RAPGEF4: variants seen among roughly 807,000 people sequenced by gnomAD.
RAPGEF4 encodes the protein RAP guanine-nucleotide-exchange factor (GEF) 4.
A neutral mutation model predicts 147.9 loss-of-function variants in RAPGEF4; 66 were observed. The observed-to-expected ratio is 0.45, with a 90% CI of 0.37 to 0.55. RAPGEF4 has a LOEUF of 0.55. Ranked by LOEUF, RAPGEF4 falls within the 20% of genes least tolerant of loss-of-function variation. The probability of loss-of-function intolerance (pLI) is 0.00; values close to 1 mark genes in which losing one functional copy is unlikely to be tolerated. For synonymous variants in RAPGEF4, 419 were observed against 442.7 expected (o/e 0.95, Z 0.67); for missense variants, 1,071 against 1,257.3 (o/e 0.85, Z 2.24).
chr2:172,757,675 C>G (rs1011328325), intron 1 of RAPGEF4, among the ~76,000 whole-genome samples: 1 of 152,186 alleles, frequency 6.6e-6, no homozygotes, highest in Non-Finnish European at 1.5e-5. Context: ...GTATGAATGT[C>G]AGAGTTTTTG....
At chr2:172,988,048 C>A in intron 12 of RAPGEF4, 148 bp from the exon 13 acceptor site, 1 of 1,247,048 alleles carries the variant, frequency 8.0e-7, no homozygotes, top group East Asian at 2.9e-5. Flanking sequence ...TAATGTGCCA[C>A]CTGAACAAGT....
chr2:172,860,567 G>GTTTTTTT lies in RAPGEF4; in HGVS notation c.444+46152_444+46158dup, dbSNP rs11400519. The stretch of plus-strand genomic sequence containing the variant: ...CTGTGCGTGAGTTTTGTTTATTTGG[G>GTTTTTTT]TTTTTTTTTTTTTTTTGGTTTTGTT... On this transcript the variant is annotated intron_variant, in intron 4 of 30. Coordinates refer to ENST00000397081, the MANE Select transcript of RAPGEF4 (RefSeq NM_007023.4). 6.9e-5 allele frequency among the ~76,000 whole-genome samples: 9 copies of GTTTTTTT among 129,568 alleles called. 1 individual carries two copies. Among genetic ancestry groups the GTTTTTTT allele is most frequent in the South Asian group, 2.5e-4 (1 of 3,988 alleles). 85.0% of individuals were successfully genotyped at this position (129,568 alleles called of 152,430 possible).
chr2:173,044,480 T>C (rs895583), intron 29 of RAPGEF4, among the ~76,000 whole-genome samples: 17,594 of 152,182 alleles, frequency 0.12, 1,338 homozygotes, highest in East Asian at 0.39. Flanking sequence ...TAAAGAAAAA[T>C]AGACGCGTGA....
At chr2:173,034,080 G>C in intron 27 of RAPGEF4, 116 bp downstream of exon 27, 1 of 947,708 alleles carries the variant, frequency 1.1e-6, no homozygotes, top group Non-Finnish European at 1.6e-6. Flanking sequence ...ACTTTAAGAA[G>C]TTTATGATCC....
intron 25 of RAPGEF4, among the ~76,000 whole-genome samples, chr2:173,029,214 T>C (rs765740101): frequency 3.3e-5 from 5 of 152,238 alleles, no homozygotes; most frequent in African/African-American, 4.8e-5. Flanking sequence ...AATTTAAGAA[T>C]TACTCTTTGC....
intron 4 of RAPGEF4, among the ~76,000 whole-genome samples, chr2:172,833,738 G>C (rs1690626962): frequency 1.3e-5 from 2 of 152,120 alleles, no homozygotes; most frequent in African/African-American, 4.8e-5. Context: ...TACATTTTGT[G>C]ACTAGGCGCT....
At chr2:172,751,028 A>T (rs1452985206) in intron 1 of RAPGEF4, among the ~76,000 whole-genome samples, 1 of 152,158 alleles carries the variant, frequency 6.6e-6, no homozygotes, top group Non-Finnish European at 1.5e-5. Flanking sequence ...TGAATTTTAC[A>T]TGTTTTCTTT....
At chr2:172,826,029 A>G (rs1344210367) in intron 4 of RAPGEF4, among the ~76,000 whole-genome samples, 2 of 152,166 alleles carry the variant, frequency 1.3e-5, no homozygotes, top group African/African-American at 4.8e-5. Context: ...AAATTTTGTG[A>G]AGATTTCTTT....
At chr2:172,895,080 CT>C (rs1276420609) in intron 4 of RAPGEF4, among the ~76,000 whole-genome samples, 2 of 152,054 alleles carry the variant, frequency 1.3e-5, no homozygotes, top group Non-Finnish European at 2.9e-5. Flanking sequence ...TTTGTTGTTA[CT>C]TTCTGGGTCT....
At chr2:172,957,510 T>C (rs1055821171) in intron 6 of RAPGEF4, among the ~76,000 whole-genome samples, 1 of 152,272 alleles carries the variant, frequency 6.6e-6, no homozygotes, top group African/African-American at 2.4e-5. Context: ...TCAGAGCATT[T>C]GGCTTCTAAG....
At chr2:172,860,500 T>C (rs76334116) in intron 4 of RAPGEF4, among the ~76,000 whole-genome samples, 2,059 of 151,662 alleles carry the variant, frequency 0.014, 41 homozygotes, top group African/African-American at 0.047. Flanking sequence ...AGGAGAGAAA[T>C]GTAAAAAAAA....
chr2:172,992,167 A>G lies in RAPGEF4; in HGVS notation c.1490+1242A>G, dbSNP rs149456211. 2.0e-4 allele frequency among the ~76,000 whole-genome samples: 30 copies of G among 152,338 alleles called. No individual in the cohort carries two copies. The East Asian group carries it at 5.4e-3, about 27-fold the overall frequency. On this transcript the variant is annotated intron_variant, in intron 15 of 30. Transcript: ENST00000397081. Reference sequence around the variant, plus strand: ...TAGTAAATATTGCAAACCACTCCATATCGAAAGAACTGACATCAAAAGGAC... The same window carrying G: ...TAGTAAATATTGCAAACCACTCCATGTCGAAAGAACTGACATCAAAAGGAC...
chr2:172,830,695 C>T (rs899665605), intron 4 of RAPGEF4, among the ~76,000 whole-genome samples: 2 of 152,200 alleles, frequency 1.3e-5, no homozygotes, highest in African/African-American at 4.8e-5. Flanking sequence ...TCTTGACCTC[C>T]TGGGCTCTAA....
intron 11 of RAPGEF4, among the ~76,000 whole-genome samples, chr2:172,984,913 AT>A (rs76573603): frequency 0.055 from 8,435 of 152,084 alleles, 303 homozygotes; most frequent in East Asian, 0.1. Context: ...GTAATTTGGA[AT>A]TTTTTTTTAA....
intron 17 of RAPGEF4, among the ~76,000 whole-genome samples, chr2:173,007,832 T>TA (rs1021263673): frequency 6.6e-6 from 1 of 151,782 alleles, no homozygotes; most frequent in African/African-American, 2.4e-5. Context: ...CAGATTATAG[T>TA]AAAAAAAAGC....
intron 4 of RAPGEF4, among the ~76,000 whole-genome samples, chr2:172,867,644 T>G (rs1694793007): frequency 6.6e-6 from 1 of 152,220 alleles, no homozygotes; most frequent in African/African-American, 2.4e-5. Flanking sequence ...ACTTCATGAG[T>G]AAATGGATTT....
chr2:172,836,103 G>A (rs1219810600), intron 4 of RAPGEF4, among the ~76,000 whole-genome samples: 2 of 152,170 alleles, frequency 1.3e-5, no homozygotes, highest in Non-Finnish European at 2.9e-5. Flanking sequence ...CATAAAAGAT[G>A]TCACATCTTG....
intron 10 of RAPGEF4, among the ~76,000 whole-genome samples, chr2:172,969,986 GGT>G (rs1182484027): frequency 6.6e-6 from 1 of 152,094 alleles, no homozygotes; most frequent in African/African-American, 2.4e-5. Context: ...CATGATTTCA[GGT>G]GGCCTTGGGA....
chr2:172,769,666 A>C (rs899439130), intron 1 of RAPGEF4, among the ~76,000 whole-genome samples: 1 of 152,164 alleles, frequency 6.6e-6, no homozygotes, highest in Non-Finnish European at 1.5e-5. Context: ...CTGAACCCCA[A>C]CAACACCAAC....
Sources: gnomAD v4.1 joint callset for allele counts (sites outside exome capture counted in the v4.1 genomes callset) on GRCh38, gnomAD v4.1.1 for gene constraint, MANE v1.5 for transcripts, NCBI Gene and HGNC (gene_info 2026-07-23, HGNC 2026-07-21) for gene names.